ING5: variants seen among roughly 807,000 people sequenced by gnomAD.
ING5 encodes the protein inhibitor of growth family member 5.
In ING5, 17 loss-of-function variants were observed where a neutral mutation model predicts 37.4. That is an observed-to-expected ratio of 0.45 (90% CI 0.31 to 0.68). The LOEUF (loss-of-function observed/expected upper bound fraction) is 0.68, where lower values mean the gene tolerates loss of function less well. Ranked by LOEUF, ING5 falls within the 30% of genes least tolerant of loss-of-function variation. ING5 has a pLI of 0.05. For synonymous variants in ING5, 123 were observed against 116.6 expected, an observed-to-expected ratio of 1.06 and a Z score of -0.36; for missense variants, 233 against 311.9, an observed-to-expected ratio of 0.75 and a Z score of 1.91.
At position 241,722,996 on chromosome 2, in the gene ING5, C is replaced by T. The variant is rs767625509; in HGVS notation, c.540C>T (p.Pro180=). ...SVHPSDVLDM[P]VDPNEPTYCL... ...ACCCCTCTGATGTGCTGGACATGCCCGTGGACCCAAACGAACCCACGTACT... is the reference window on the plus strand; with the variant it reads ...ACCCCTCTGATGTGCTGGACATGCCTGTGGACCCAAACGAACCCACGTACT... The change falls in exon 6 of 8, where the codon CCC becomes CCT. Residue 180 remains proline (P), a synonymous_variant. Transcript: ENST00000313552. 1.9e-5 allele frequency: 30 copies of T among 1,614,040 alleles called. No individual in the cohort carries two copies. Among genetic ancestry groups the T allele is most frequent in the African/African-American group, 2.7e-5 (2 of 74,928 alleles).
rs975003196 is a variant in ING5 at position 241,726,885 on chromosome 2, C to G, written c.*1854C>G. 6.6e-6 allele frequency: 1 copy of G among 152,212 alleles called. No homozygotes were observed. The highest frequency in any genetic ancestry group is 2.4e-5 in the African/African-American group (1 of 41,430). The allele number at this position is 152,212 out of a possible 1,614,324, so 9.4% of individuals were successfully genotyped here. ...TCTCGGCTCACTGCAAGCTCCGCCT[C>G]CCGGGTTCACGCCATTCTCCTGCCT... On this transcript the variant is annotated 3_prime_UTR_variant, in exon 8 of 8. Transcript: ENST00000313552.
intron 2 of ING5, 23 bp from the exon 3 acceptor site, chr2:241,709,193 C>T (rs1234600854): frequency 1.2e-6 from 2 of 1,602,158 alleles, no homozygotes; most frequent in African/African-American, 2.7e-5. Flanking sequence ...GCAGGGCTAG[C>T]TTTTCCCCCA....
chr2:241,728,755 T>C lies in ING5; in HGVS notation c.*3724T>C, dbSNP rs923611417. 1.3e-5 allele frequency: 2 copies of C among 152,302 alleles called. No individual in the cohort carries two copies. The highest frequency in any genetic ancestry group is 4.8e-5 in the African/African-American group (2 of 41,462). 9.4% of individuals were successfully genotyped at this position (152,302 alleles called of 1,614,324 possible). ...CAGGGACGCCGTGCGGAGGCCTACG[T>C]GGCTGCCTGAGCAGCAGCTGACCGC... is the stretch of plus-strand genomic sequence containing the variant. On this transcript the variant is annotated 3_prime_UTR_variant, in exon 8 of 8. Transcript: ENST00000313552.
chr2:241,727,222 C>T lies in ING5; in HGVS notation c.*2191C>T, dbSNP rs1432049482. ...AGAGTGCTGGGATTACAGGTGTCAG[C>T]CACTGCGCTCAGCTGGGAGATGAAT... On this transcript the variant is annotated 3_prime_UTR_variant, in exon 8 of 8. Transcript: ENST00000313552. The T allele has an allele frequency of 6.6e-6, 1 of 152,260 alleles. No homozygotes were observed. Among genetic ancestry groups the T allele is most frequent in the Non-Finnish European group, 1.5e-5 (1 of 68,098 alleles). 9.4% of individuals were successfully genotyped at this position (152,260 alleles called of 1,614,324 possible).
intron 2 of ING5, among the ~76,000 whole-genome samples, chr2:241,707,791 C>G (rs2069969177): frequency 6.6e-6 from 1 of 152,138 alleles, no homozygotes; most frequent in Non-Finnish European, 1.5e-5. Context: ...GAAATCAAGC[C>G]CTTTGGCACC....
At chr2:241,723,942 C>G (rs560324207) in intron 7 of ING5, 1 of 1,279,248 alleles carries the variant, frequency 7.8e-7, no homozygotes, top group African/African-American at 1.5e-5. Context: ...CCTGGAAGTC[C>G]GAGGCTTCAG....
intron 3 of ING5, among the ~76,000 whole-genome samples, chr2:241,710,260 C>T (rs183872096): frequency 9.2e-5 from 14 of 152,140 alleles, no homozygotes; most frequent in Non-Finnish European, 1.8e-4. Flanking sequence ...TCACCCACCA[C>T]GAAGCCTGGC....
chr2:241,704,770 T>A, intron 2 of ING5, 46 bp downstream of exon 2: 1 of 1,516,456 alleles, frequency 6.6e-7, no homozygotes, highest in South Asian at 1.1e-5. Flanking sequence ...TTCTGACAGG[T>A]GGGAGCCAGC....
chr2:241,697,247 A>T (rs2069643774), upstream of ING5, among the ~76,000 whole-genome samples: 1 of 152,056 alleles, frequency 6.6e-6, no homozygotes, highest in Non-Finnish European at 1.5e-5. Flanking sequence ...CATCCTGGCT[A>T]ACACGGTGAA....
chr2:241,690,767 C>T (rs1273721050), intron 2 of ING5: 1 of 393,498 alleles, frequency 2.5e-6, no homozygotes, highest in Admixed American at 4.4e-5. Context: ...TGCAGGTGAA[C>T]ACATGGGTTC....
upstream of ING5, among the ~76,000 whole-genome samples, chr2:241,699,458 A>G (rs1333192251): frequency 1.3e-5 from 2 of 152,182 alleles, no homozygotes; most frequent in Middle Eastern, 6.8e-3. Context: ...TCACCCAGGC[A>G]AGAGTACAGT....
intron 2 of ING5, among the ~76,000 whole-genome samples, chr2:241,693,641 G>A (rs1032394499): frequency 4.0e-4 from 56 of 138,314 alleles, no homozygotes; most frequent in Middle Eastern, 7.9e-3. Flanking sequence ...GTTGCACTGA[G>A]AAATACAACT....
chr2:241,719,587 T>C (rs1483509156), intron 5 of ING5: 1 of 1,535,990 alleles, frequency 6.5e-7, no homozygotes, highest in Non-Finnish European at 8.7e-7. Context: ...CCTGGTCTCT[T>C]CCTCACCCAG....
upstream of ING5, among the ~76,000 whole-genome samples, chr2:241,701,558 G>T (rs1039814833): frequency 6.6e-6 from 1 of 152,112 alleles, no homozygotes; most frequent in Non-Finnish European, 1.5e-5. Context: ...CCGGGCTGAG[G>T]CCCCGGGGGC....
At chr2:241,709,428 C>T (rs368175181) in intron 3 of ING5, 46 bp downstream of exon 3, 64 of 1,538,018 alleles carry the variant, frequency 4.2e-5, no homozygotes, top group Non-Finnish European at 5.3e-5. Flanking sequence ...ACCTCTACTC[C>T]TGCCTCTCAT....
intron 5 of ING5, chr2:241,719,573 T>G (rs1393454525): frequency 1.3e-6 from 2 of 1,536,110 alleles, no homozygotes; most frequent in Non-Finnish European, 1.7e-6. Flanking sequence ...AAAGTGGGAC[T>G]CCTCCTGGTC....
At chr2:241,713,252 T>G (rs2070171052) in intron 5 of ING5, among the ~76,000 whole-genome samples, 1 of 151,886 alleles carries the variant, frequency 6.6e-6, no homozygotes, top group African/African-American at 2.4e-5. Context: ...GAGATGGGAT[T>G]TCACCATGTT....
intron 5 of ING5, chr2:241,712,396 G>A (rs2070138165): frequency 3.9e-6 from 1 of 258,450 alleles, no homozygotes. Flanking sequence ...CAGGAGGATG[G>A]TGAGCAACGT....
intron 2 of ING5, among the ~76,000 whole-genome samples, chr2:241,707,773 G>A (rs1293001314): frequency 2.6e-5 from 4 of 152,150 alleles, no homozygotes; most frequent in Non-Finnish European, 5.9e-5. Context: ...GTCTGCTACC[G>A]AGATGGAGAA....
Sources: allele counts gnomAD v4.1 joint callset (sites outside exome capture counted in the v4.1 genomes callset), GRCh38; gene constraint gnomAD v4.1.1; transcripts MANE v1.5; gene names NCBI Gene and HGNC (gene_info 2026-07-23, HGNC 2026-07-21).